The following CDH13 variants were observed in gnomAD, a reference collection of about 807,000 sequenced individuals.
CDH13 encodes the protein cadherin 13, also known as cadherin-13.
CDH13 carries 24 observed loss-of-function variants against 63.8 expected under a neutral mutation model. The ratio of observed to expected loss-of-function variants is 0.38; its 90% CI spans 0.27 to 0.53. The LOEUF is 0.53. Among genes scored for constraint, CDH13 ranks in the 20% least tolerant of loss-of-function variants. The pLI, the probability that CDH13 is intolerant of heterozygous loss-of-function variation, is 0.85. For missense variants in CDH13, 1,049 were observed against 903.1 expected, an observed-to-expected ratio of 1.16 and a Z score of -2.07; for synonymous variants, 503 against 355.3, an observed-to-expected ratio of 1.42 and a Z score of -4.67.
chr16:83,709,167 T>A (rs1177041379), intron 10 of CDH13, among the ~76,000 whole-genome samples: 1 of 152,186 alleles, frequency 6.6e-6, no homozygotes, highest in Non-Finnish European at 1.5e-5. Flanking sequence ...AATGCAGGCA[T>A]CTCTAGATTC....
intron 1 of CDH13, among the ~76,000 whole-genome samples, chr16:82,789,229 C>G (rs1325898654): frequency 6.6e-6 from 1 of 152,166 alleles, no homozygotes; most frequent in Non-Finnish European, 1.5e-5. Flanking sequence ...ATCACAGAAA[C>G]TAGAGAAGTC....
intron 7 of CDH13, among the ~76,000 whole-genome samples, chr16:83,493,332 G>A (rs945852232): frequency 1.3e-5 from 2 of 152,184 alleles, no homozygotes; most frequent in Non-Finnish European, 2.9e-5. Context: ...TTGAATGAAA[G>A]ACAGAGCTAA....
intron 2 of CDH13, among the ~76,000 whole-genome samples, chr16:82,977,072 T>G (rs972072475): frequency 3.3e-5 from 5 of 152,192 alleles, no homozygotes; most frequent in African/African-American, 1.2e-4. Context: ...TTAAAACAAC[T>G]AAATATACCT....
chr16:82,836,921 C>A (rs1218247511), intron 1 of CDH13, among the ~76,000 whole-genome samples: 2 of 152,208 alleles, frequency 1.3e-5, no homozygotes, highest in Non-Finnish European at 2.9e-5. Context: ...ATATTTATCA[C>A]CCTTGAAGAA....
chr16:82,798,678 A>G (rs2151155261), intron 1 of CDH13, among the ~76,000 whole-genome samples: 1 of 152,236 alleles, frequency 6.6e-6, no homozygotes, highest in East Asian at 1.9e-4. Flanking sequence ...GTTACTGTGA[A>G]TAAGTGCCAT....
chr16:83,217,505 C>A lies in CDH13; in HGVS notation c.636+8C>A, dbSNP rs200102690. The A allele has an allele frequency of 1.3e-5, 21 of 1,611,294 alleles. 1 individual carries two copies. The South Asian group carries it at 2.3e-4, about 18-fold the overall frequency. ...GTAATCGCTGTTTATCAAGTGAGTACCCCTCTCCCATGCCCACCCTGTGCG... is the reference window on the plus strand; with the variant it reads ...GTAATCGCTGTTTATCAAGTGAGTAACCCTCTCCCATGCCCACCCTGTGCG... On this transcript the variant is annotated splice_region_variant and intron_variant, in intron 5 of 13. Coordinates refer to ENST00000567109, the MANE Select transcript of CDH13 (RefSeq NM_001257.5).
At chr16:82,807,087 C>G (rs1217504845) in intron 1 of CDH13, among the ~76,000 whole-genome samples, 4 of 131,868 alleles carry the variant, frequency 3.0e-5, no homozygotes, top group African/African-American at 8.2e-5. Context: ...TGGGATCATG[C>G]CTTTTTTTTT....
chr16:82,927,910 A>C (rs1165593747), intron 2 of CDH13, among the ~76,000 whole-genome samples: 1 of 152,202 alleles, frequency 6.6e-6, no homozygotes, highest in African/African-American at 2.4e-5. Context: ...CCCTTCTTAA[A>C]TAGCAGTCAT....
intron 11 of CDH13, among the ~76,000 whole-genome samples, chr16:83,760,507 T>C (rs1375174360): frequency 6.6e-6 from 1 of 152,214 alleles, no homozygotes; most frequent in African/African-American, 2.4e-5. Flanking sequence ...ACAATAATAA[T>C]GAGTGAATGA....
At chr16:83,058,646 ATGT>A (rs1271450304) in intron 3 of CDH13, among the ~76,000 whole-genome samples, 1 of 152,142 alleles carries the variant, frequency 6.6e-6, no homozygotes, top group East Asian at 1.9e-4. Flanking sequence ...TCCCATACTG[ATGT>A]TGTGGTGTAA....
At chr16:82,645,008 A>G (rs1367222659) in intron 1 of CDH13, among the ~76,000 whole-genome samples, 1 of 152,184 alleles carries the variant, frequency 6.6e-6, no homozygotes, top group Non-Finnish European at 1.5e-5. Flanking sequence ...TTCACAAATG[A>G]AAGTCTCTGA....
chr16:82,951,114 A>T (rs969693427), intron 2 of CDH13, among the ~76,000 whole-genome samples: 1 of 152,064 alleles, frequency 6.6e-6, no homozygotes, highest in African/African-American at 2.4e-5. Flanking sequence ...CACAGGTCAC[A>T]ATGGCCATGT....
intron 5 of CDH13, among the ~76,000 whole-genome samples, chr16:83,261,299 G>C (rs1007784006): frequency 6.6e-6 from 1 of 152,158 alleles, no homozygotes; most frequent in Non-Finnish European, 1.5e-5. Flanking sequence ...GCTCATTACC[G>C]ATACGTTAAC....
intron 8 of CDH13, among the ~76,000 whole-genome samples, chr16:83,643,553 C>T (rs1283903864): frequency 1.3e-5 from 2 of 152,068 alleles, no homozygotes; most frequent in African/African-American, 4.8e-5. Context: ...AACCCAGCAC[C>T]TGCTACATAG....
intron 13 of CDH13, 84 bp downstream of exon 13, chr16:83,783,556 C>G (rs1255191814): frequency 1.0e-6 from 1 of 992,562 alleles, no homozygotes; most frequent in Non-Finnish European, 1.6e-6. Context: ...TCCCATATAC[C>G]TTTCCAAGAA....
chr16:83,216,398 A>ATATATATATATGTG (rs1491288851), intron 4 of CDH13, among the ~76,000 whole-genome samples: 2 of 29,110 alleles, frequency 6.9e-5, no homozygotes, highest in Non-Finnish European at 1.1e-4. Flanking sequence ...CAGCATTGAA[A>ATATATATATATGTG]TATATATATA....
chr16:83,251,232 C>G (rs900820723), intron 5 of CDH13, among the ~76,000 whole-genome samples: 1 of 152,086 alleles, frequency 6.6e-6, no homozygotes, highest in Non-Finnish European at 1.5e-5. Flanking sequence ...TTTCTTACAA[C>G]TGTGTGTGAA....
At chr16:82,764,363 T>C (rs991033714) in intron 1 of CDH13, among the ~76,000 whole-genome samples, 1 of 152,156 alleles carries the variant, frequency 6.6e-6, no homozygotes, top group Non-Finnish European at 1.5e-5. Context: ...TTTAAGTTCT[T>C]CTCCTCTACT....
intron 1 of CDH13, among the ~76,000 whole-genome samples, 200 bp downstream of exon 1, chr16:82,627,337 C>CGTGCGTGCGTGT (rs1555525839): frequency 2.4e-4 from 32 of 131,250 alleles, no homozygotes; most frequent in Middle Eastern, 4.3e-3. Context: ...CTCTGGCGTG[C>CGTGCGTGCGTGT]GTGTGTGTGT....
Sources: allele counts gnomAD v4.1 joint callset (sites outside exome capture counted in the v4.1 genomes callset), GRCh38; gene constraint gnomAD v4.1.1; transcripts MANE v1.5; gene names NCBI Gene and HGNC (gene_info 2026-07-23, HGNC 2026-07-21).